The following IMMP2L variants were observed in gnomAD, a reference collection of about 807,000 sequenced individuals.
The protein encoded by IMMP2L is mitochondrial inner membrane protease subunit 2.
A neutral mutation model predicts 19.3 loss-of-function variants in IMMP2L; 18 were observed. The observed-to-expected ratio is 0.93, with a 90% CI of 0.64 to 1.38. The LOEUF (loss-of-function observed/expected upper bound fraction) is 1.38, where lower values mean the gene tolerates loss of function less well. Ranked by LOEUF, IMMP2L falls within the 40% of genes most tolerant of loss-of-function variation. IMMP2L has a pLI of 0.00. For synonymous variants in IMMP2L, 76 were observed against 73.0 expected (o/e 1.04, Z -0.21); for missense variants, 233 against 218.2 (o/e 1.07, Z -0.43).
rs1810054925 is a variant in IMMP2L at position 111,201,121 on chromosome 7, T to C, written c.240-237556A>G. Among the ~76,000 whole-genome samples the C allele has an allele frequency of 2.0e-5, 3 of 152,146 alleles. No individual in the cohort carries two copies. In the South Asian group the frequency reaches 6.2e-4, roughly 32 times the overall value. On this transcript the variant is annotated intron_variant, in intron 3 of 5. Transcript: ENST00000405709. ...TCTTATCTGTTCTAAGAAACACATA[T>C]GAAAAAGCTTGTATCAAACACATAT...
chr7:111,452,837 T>A (rs1465627441), intron 3 of IMMP2L, among the ~76,000 whole-genome samples: 1 of 152,178 alleles, frequency 6.6e-6, no homozygotes, highest in Non-Finnish European at 1.5e-5. Context: ...TACTCTTTTC[T>A]ATAGTACTTA....
At chr7:111,177,949 A>G (rs1289711613) in intron 3 of IMMP2L, among the ~76,000 whole-genome samples, 1 of 152,056 alleles carries the variant, frequency 6.6e-6, no homozygotes, top group African/African-American at 2.4e-5. Flanking sequence ...TTATTATAAA[A>G]ATGAGATTAA....
intron 3 of IMMP2L, among the ~76,000 whole-genome samples, chr7:111,019,049 A>T (rs1188500831): frequency 6.6e-6 from 1 of 152,120 alleles, no homozygotes; most frequent in Non-Finnish European, 1.5e-5. Context: ...TAGTTATTCC[A>T]TACCTAGATT....
intron 3 of IMMP2L, among the ~76,000 whole-genome samples, chr7:111,401,439 T>C (rs115667317): frequency 0.016 from 2,405 of 152,222 alleles, 62 homozygotes; most frequent in African/African-American, 0.053. Context: ...ACAAATCCTG[T>C]AGTAGCAAAA....
intron 5 of IMMP2L, among the ~76,000 whole-genome samples, chr7:110,846,220 G>A (rs561225696): frequency 6.6e-5 from 10 of 152,066 alleles, no homozygotes; most frequent in East Asian, 1.9e-4. Context: ...CAAGAAAACC[G>A]AGAACCTGAA....
At chr7:111,003,379 T>C (rs1477086655) in intron 3 of IMMP2L, among the ~76,000 whole-genome samples, 1 of 152,168 alleles carries the variant, frequency 6.6e-6, no homozygotes, top group Non-Finnish European at 1.5e-5. Context: ...AATCAAAATA[T>C]CATCAAAATA....
chr7:111,123,661 C>T lies in IMMP2L; in HGVS notation c.240-160096G>A. 5.6e-6 allele frequency: 9 copies of T among 1,613,892 alleles called. No homozygotes were observed. The highest frequency in any genetic ancestry group is 6.8e-6 in the Non-Finnish European group (8 of 1,179,938). ...GTTGGGGATAAATAATATGCCTGAG[C>T]TGATTTCCATCGATAGTCTTGCTGT... On this transcript the variant is annotated intron_variant, in intron 3 of 5. Coordinates refer to ENST00000405709, the MANE Select transcript of IMMP2L (RefSeq NM_032549.4). The surrounding 1 kb of genome is among the most constrained non-coding windows in gnomAD (Gnocchi z 6.4).
At position 111,215,084 on chromosome 7, in the gene IMMP2L, A is replaced by G. The variant is rs546716921; in HGVS notation, c.240-251519T>C. On this transcript the variant is annotated intron_variant, in intron 3 of 5. Transcript: ENST00000405709. ...GTGAATTCAGATACCAGTTTGCCAT[A>G]GTACCCATCACTCCTTATATTTACC... 3.2e-3 allele frequency among the ~76,000 whole-genome samples: 495 copies of G among 152,348 alleles called. 3 individuals are homozygous for G. Among genetic ancestry groups the G allele is most frequent in the Non-Finnish European group, 4.5e-3 (307 of 68,028 alleles).
chr7:111,317,214 T>C (rs1824205859), intron 3 of IMMP2L, among the ~76,000 whole-genome samples: 1 of 152,128 alleles, frequency 6.6e-6, no homozygotes, highest in Admixed American at 6.6e-5. Context: ...TCCAGGCCTC[T>C]GACTTTACAT....
In IMMP2L at chr7:110,803,779, C is replaced by T. The variant is rs1053205935; in HGVS notation, c.408+82814G>A. On this transcript the variant is annotated intron_variant, in intron 5 of 5. Transcript: ENST00000405709. This position sits in a 1 kb window ranked among gnomAD's most constrained non-coding sequence, Gnocchi z 4.2. The stretch of plus-strand genomic sequence containing the variant: ...TTCCTTGAAGGAACACCTGGGGAGT[C>T]AGAGTTACCAGTAGTTTTCAAAGTA... Among the ~76,000 whole-genome samples the T allele has an allele frequency of 1.3e-5, 2 of 151,988 alleles. No homozygotes were observed. Among genetic ancestry groups the T allele is most frequent in the African/African-American group, 4.8e-5 (2 of 41,390 alleles).
At chr7:111,361,529 C>T (rs1449490444) in intron 3 of IMMP2L, among the ~76,000 whole-genome samples, 1 of 152,084 alleles carries the variant, frequency 6.6e-6, no homozygotes, top group African/African-American at 2.4e-5. Context: ...TTAATAAACT[C>T]CAACATAAAA....
At position 111,435,628 on chromosome 7, in the gene IMMP2L, T is replaced by C. The variant is rs572035418; in HGVS notation, c.239+51610A>G. ...ACTAAATGCCAAGACTACACCACTA[T>C]GTAATATACACATGTAAGAAACCTG... On this transcript the variant is annotated intron_variant, in intron 3 of 5. Transcript: ENST00000405709. 3.0e-4 allele frequency among the ~76,000 whole-genome samples: 46 copies of C among 151,980 alleles called. 1 individual carries two copies. Among genetic ancestry groups the C allele is most frequent in the African/African-American group, 1.1e-3 (45 of 41,270 alleles).
At chr7:110,698,603 T>C (rs905143011) in intron 5 of IMMP2L, among the ~76,000 whole-genome samples, 2 of 152,166 alleles carry the variant, frequency 1.3e-5, no homozygotes, top group Non-Finnish European at 2.9e-5. Flanking sequence ...AACTGACATA[T>C]AAACTTTAGA....
At chr7:110,791,710 T>C (rs759306115) in intron 5 of IMMP2L, among the ~76,000 whole-genome samples, 11 of 151,910 alleles carry the variant, frequency 7.2e-5, no homozygotes, top group East Asian at 1.9e-4. Flanking sequence ...TACCTTCTAA[T>C]ACTCCTGAAT....
In IMMP2L at chr7:111,471,292, C is replaced by T. The variant is rs150166619; in HGVS notation, c.239+15946G>A. ...AGAGCAAAATGTACTGATTTACCCG[C>T]AAATCTTGACAGATTCTAGGGAATG... On this transcript the variant is annotated intron_variant, in intron 3 of 5. Coordinates refer to ENST00000405709, the MANE Select transcript of IMMP2L (RefSeq NM_032549.4). Among the ~76,000 whole-genome samples, 854 of 152,062 alleles carry T rather than the reference C, an allele frequency of 5.6e-3. 13 individuals are homozygous for T. Among genetic ancestry groups the T allele is most frequent in the African/African-American group, 0.019 (788 of 41,482 alleles).
intron 2 of IMMP2L, among the ~76,000 whole-genome samples, chr7:111,507,669 T>G (rs1285669277): frequency 6.6e-6 from 1 of 152,152 alleles, no homozygotes; most frequent in Admixed American, 6.6e-5. Context: ...ACTTCACTAA[T>G]AGTACCAATT....
chr7:111,256,034 C>A, intron 3 of IMMP2L, among the ~76,000 whole-genome samples: 1 of 151,880 alleles, frequency 6.6e-6, no homozygotes, highest in Admixed American at 6.6e-5. Context: ...AATTATCTCT[C>A]AAAAAATTAA....
chr7:110,977,121 G>T (rs1281655434), intron 3 of IMMP2L, among the ~76,000 whole-genome samples: 1 of 151,898 alleles, frequency 6.6e-6, no homozygotes, highest in Non-Finnish European at 1.5e-5. Flanking sequence ...GGGTACAGAA[G>T]AATTTATTTC....
chr7:111,045,423 A>C (rs2129571719), intron 3 of IMMP2L, among the ~76,000 whole-genome samples: 1 of 152,352 alleles, frequency 6.6e-6, no homozygotes, highest in African/African-American at 2.4e-5. Context: ...TTCCCTACAT[A>C]GTAACCAGTA....
Sources: allele counts gnomAD v4.1 joint callset (sites outside exome capture counted in the v4.1 genomes callset), GRCh38; gene constraint gnomAD v4.1.1; non-coding constraint Gnocchi (gnomAD v3.1); transcripts MANE v1.5; gene names NCBI Gene and HGNC (gene_info 2026-07-23, HGNC 2026-07-21).